The following CCNQ variants were observed in gnomAD, a reference collection of about 807,000 sequenced individuals.
CCNQ encodes cyclin Q, also known as cyclin-Q.
A neutral mutation model predicts 17.7 loss-of-function variants in CCNQ; 3 were observed. The ratio of observed to expected loss-of-function variants is 0.17; its 90% CI spans 0.08 to 0.44. CCNQ has a LOEUF of 0.44. CCNQ is among the 20% of genes least tolerant of loss of function. The pLI is 0.99. For synonymous variants in CCNQ, 73 were observed against 96.0 expected, an observed-to-expected ratio of 0.76 and a Z score of 1.40; for missense variants, 146 against 222.6, an observed-to-expected ratio of 0.66 and a Z score of 2.19.
intron 2 of CCNQ, among the ~76,000 whole-genome samples, chrX:153,595,587 C>G (rs1391266231): frequency 8.8e-6 from 1 of 113,269 alleles, no homozygotes; most frequent in Admixed American, 9.2e-5. Context: ...CCACGCCACA[C>G]CCACAGCAGG....
chrX:153,596,356 C>T (rs1325961816), intron 1 of CCNQ, among the ~76,000 whole-genome samples, 169 bp from the exon 2 acceptor site: 6 of 111,826 alleles, frequency 5.4e-5, no homozygotes, highest in Non-Finnish European at 1.1e-4. Flanking sequence ...GGCTCTCAGA[C>T]TCTAGTGGGT....
chrX:153,599,094 G>T lies in CCNQ; in HGVS notation c.-21C>A. 2.2e-6 allele frequency: 2 copies of T among 898,431 alleles called. No homozygotes were observed. The highest frequency in any genetic ancestry group is 2.8e-6 in the Non-Finnish European group (2 of 705,528). 74.0% of individuals were successfully genotyped at this position (898,431 alleles called of 1,213,427 possible). A position where few individuals can be genotyped will look rare whatever the true frequency, so the allele number is the denominator to read the frequency against. On this transcript the variant is annotated 5_prime_UTR_variant, in exon 1 of 5. Coordinates refer to ENST00000576892, the MANE Select transcript of CCNQ (RefSeq NM_152274.5). ...TCCATGAGGCGCCGCGGCACCGGCG[G>T]AAGGAGAGGCGGCCCCGGCGCGCAG...
Position 153,590,231 on chromosome X carries a change from T to TAAAAAAAAAAAAAAA in CCNQ, c.658-1792_658-1778dup, listed in dbSNP as rs59053078. Reference sequence around the variant, plus strand: ...CAATAGAGTGAGACTCTGTCTCTATTAAAAAAAAAAAAAAAAAAAAAAAAA... The same window carrying TAAAAAAAAAAAAAAA: ...CAATAGAGTGAGACTCTGTCTCTATTAAAAAAAAAAAAAAAAAAAAAAAAAAAAAAAAAAAAAAAA... On this transcript the variant is annotated intron_variant, in intron 4 of 4. Coordinates refer to ENST00000576892, the MANE Select transcript of CCNQ (RefSeq NM_152274.5). 6.8e-4 allele frequency among the ~76,000 whole-genome samples: 18 copies of TAAAAAAAAAAAAAAA among 26,452 alleles called. 2 individuals carry two copies. The highest frequency in any genetic ancestry group is 2.8e-3 in the African/African-American group (16 of 5,736). The allele number at this position is 26,452 out of a possible 115,157, so 23.0% of individuals were successfully genotyped here.
chrX:153,593,568 C>G (rs894261488), intron 3 of CCNQ, among the ~76,000 whole-genome samples: 1 of 112,135 alleles, frequency 8.9e-6, no homozygotes, highest in South Asian at 3.7e-4. Context: ...GACACTACTG[C>G]GCAGAAATCC....
At position 153,591,647 on chromosome X, in the gene CCNQ, A is replaced by G. The variant is rs782354123; in HGVS notation, c.657+859T>C. ...GAGCACGAGGCAGCCACATTATGTGAAAGTCCCTGAGCAGCCCGAGCGTGG... is the reference window on the plus strand; with the variant it reads ...GAGCACGAGGCAGCCACATTATGTGGAAGTCCCTGAGCAGCCCGAGCGTGG... On this transcript the variant is annotated intron_variant, in intron 4 of 4. Transcript: ENST00000576892. 5.4e-5 allele frequency among the ~76,000 whole-genome samples: 6 copies of G among 111,165 alleles called. No homozygotes were observed. The East Asian group carries it at 1.7e-3, about 32-fold the overall frequency.
At chrX:153,591,060 G>A (rs1458560378) in intron 4 of CCNQ, among the ~76,000 whole-genome samples, 1 of 112,139 alleles carries the variant, frequency 8.9e-6, no homozygotes, top group African/African-American at 3.2e-5. Flanking sequence ...ATAAGTGACA[G>A]GAGTCACCGT....
In CCNQ at chrX:153,588,070, T is replaced by C. The variant is rs2090965579; in HGVS notation, c.*295A>G. On this transcript the variant is annotated 3_prime_UTR_variant, in exon 5 of 5. Transcript: ENST00000576892. ...TCCTTTCATTGATGTCATGCCTGTA[T>C]TGTAGTCAAAGTCCTCTCAAAGGAC... The C allele has an allele frequency of 2.2e-6, 1 of 445,104 alleles. No individual in the cohort carries two copies. Among genetic ancestry groups the C allele is most frequent in the South Asian group, 3.2e-5 (1 of 31,525 alleles). The allele number at this position is 445,104 out of a possible 1,213,427, so 36.7% of individuals were successfully genotyped here. A position where few individuals can be genotyped will look rare whatever the true frequency, so the allele number is the denominator to read the frequency against.
intron 4 of CCNQ, among the ~76,000 whole-genome samples, chrX:153,590,643 A>C (rs1208003061): frequency 8.9e-6 from 1 of 112,067 alleles, no homozygotes; most frequent in African/African-American, 3.2e-5. Flanking sequence ...CGCACACTTA[A>C]AAATGGTGAA....
In CCNQ at chrX:153,588,439, G is replaced by C. The variant is rs2090969314; in HGVS notation, c.673C>G (p.Leu225Val). ...ATATTATCAATGATTGGCTTGGTAA[G>C]GTCGTCATTAAACACCTAGAAAGAA... ...KPWWQVFNDDLTKPIIDNIVS... is the reference protein window; with the variant it reads ...KPWWQVFNDDVTKPIIDNIVS... The change falls in exon 5 of 5, where the codon CTT (leucine) becomes GTT (valine). Residue 225 changes from leucine to valine, a missense_variant. Leu to Val is a conservative substitution (Grantham distance 32, BLOSUM62 1). Transcript: ENST00000576892. 8.3e-7 allele frequency: 1 copy of C among 1,205,772 alleles called. No homozygotes were observed. The highest frequency in any genetic ancestry group is 1.8e-5 in the South Asian group (1 of 56,778).
Position 153,588,420 on chromosome X carries a change from T to C in CCNQ, c.692A>G (p.Asp231Gly). The change falls in exon 5 of 5, where the codon GAT becomes GGT. Residue 231 changes from aspartate (D) to glycine (G), a missense_variant. By Grantham distance (94) the Asp-to-Gly change is moderately conservative (BLOSUM62 -1). Coordinates refer to ENST00000576892, the MANE Select transcript of CCNQ (RefSeq NM_152274.5). The stretch of plus-strand genomic sequence containing the variant: ...CTGAATGAGATCAGACACAATATTA[T>C]CAATGATTGGCTTGGTAAGGTCGTC... ...FNDDLTKPII[D>G]NIVSDLIQIY... The C allele has an allele frequency of 8.3e-7, 1 of 1,210,138 alleles. No homozygotes were observed. Among genetic ancestry groups the C allele is most frequent in the Middle Eastern group, 2.3e-4 (1 of 4,348 alleles).
intron 2 of CCNQ, among the ~76,000 whole-genome samples, chrX:153,595,306 C>T (rs2091019822): frequency 1.8e-5 from 2 of 110,765 alleles, no homozygotes; most frequent in East Asian, 2.8e-4. Flanking sequence ...TTGGTAGAGA[C>T]GAGGTTTCAC....
chrX:153,588,875 T>C (rs1474824818), intron 4 of CCNQ, among the ~76,000 whole-genome samples: 1 of 112,691 alleles, frequency 8.9e-6, no homozygotes, highest in Non-Finnish European at 1.9e-5. Flanking sequence ...ACGCCTACCC[T>C]AACCCAGCCC....
chrX:153,593,350 C>A (rs1557026230), intron 3 of CCNQ, among the ~76,000 whole-genome samples: 2 of 112,324 alleles, frequency 1.8e-5, no homozygotes, highest in Non-Finnish European at 3.8e-5. Context: ...TACTTTCCAC[C>A]CCAGCCCTGA....
Position 153,592,655 on chromosome X carries a change from C to A in CCNQ, c.508G>T (p.Ala170Ser). ...TAGCTGTCCCGCAGCAGGGCCCAGG[C>A]GGTGACGGCAACAGGGGTCCGCTGC... ...SWQRTPVAVT[A>S]WALLRDSYHG... The change falls in exon 4 of 5, where the codon GCC becomes TCC. Residue 170 changes from alanine (A) to serine (S), a missense_variant. Coordinates refer to ENST00000576892, the MANE Select transcript of CCNQ (RefSeq NM_152274.5). 8.3e-7 allele frequency: 1 copy of A among 1,211,000 alleles called. No homozygotes were observed. The highest frequency in any genetic ancestry group is 1.1e-6 in the Non-Finnish European group (1 of 895,013).
chrX:153,595,891 G>A, intron 2 of CCNQ, 113 bp downstream of exon 2: 3 of 907,362 alleles, frequency 3.3e-6, no homozygotes. Flanking sequence ...GGCCATCCAG[G>A]TACTTCCTTC....
In CCNQ at chrX:153,592,690, C is replaced by T. The variant is rs1557026096; in HGVS notation, c.473G>A (p.Arg158His). Residue 158 changes from arginine (R) to histidine (H), a missense_variant, in exon 4 of 5, where the codon CGC becomes CAC. Transcript: ENST00000576892. ...AACAGGGGTCCGCTGCCAGCTGTGG[C>T]GGTTCAGCCAGTTCTGGAGGGAAAC... ...YLVSLQNWLN[R>H]HSWQRTPVAV... is the part of the protein sequence containing the mutation. 8.3e-7 allele frequency: 1 copy of T among 1,211,033 alleles called. No individual in the cohort carries two copies.
chrX:153,589,294 A>G lies in CCNQ; in HGVS notation c.658-840T>C, dbSNP rs929977369. On this transcript the variant is annotated intron_variant, in intron 4 of 4. Transcript: ENST00000576892. ...GGAAACCCTGGCCGCCATGGCTGGG[A>G]TGAGCTTCCCGGTTGTGACTCCGTG... Among the ~76,000 whole-genome samples the G allele has an allele frequency of 8.0e-5, 9 of 112,766 alleles. No individual in the cohort carries two copies. In the East Asian group the frequency reaches 1.1e-3, roughly 14 times the overall value.
In CCNQ at chrX:153,590,486, A is replaced by G. The variant is rs782064300; in HGVS notation, c.657+2020T>C. 4.5e-5 allele frequency among the ~76,000 whole-genome samples: 5 copies of G among 110,451 alleles called. No homozygotes were observed. In the East Asian group the frequency reaches 1.4e-3, roughly 32 times the overall value. Reference sequence around the variant, plus strand: ...AGGAGAGCCGTGAACTCTGTAGAGGACAGTGGAAGGTTGGGTGCCAGGAGC... The same window carrying G: ...AGGAGAGCCGTGAACTCTGTAGAGGGCAGTGGAAGGTTGGGTGCCAGGAGC... On this transcript the variant is annotated intron_variant, in intron 4 of 4. Coordinates refer to ENST00000576892, the MANE Select transcript of CCNQ (RefSeq NM_152274.5).
At chrX:153,596,779 T>C (rs781789302) in intron 1 of CCNQ, among the ~76,000 whole-genome samples, 1 of 112,250 alleles carries the variant, frequency 8.9e-6, no homozygotes, top group East Asian at 2.8e-4. Context: ...CCACTTGCAT[T>C]GCAGAGAAAA....
Sources: allele counts gnomAD v4.1 joint callset (sites outside exome capture counted in the v4.1 genomes callset), GRCh38; gene constraint gnomAD v4.1.1; transcripts MANE v1.5; gene names NCBI Gene and HGNC (gene_info 2026-07-23, HGNC 2026-07-21).